The following SLC38A1 variants were observed in gnomAD, a reference collection of about 807,000 sequenced individuals.
SLC38A1 encodes the protein solute carrier family 38 member 1, also known as sodium-coupled neutral amino acid symporter 1.
Under a neutral mutation model 60.3 loss-of-function variants are expected in SLC38A1, and 18 were observed. That is an observed-to-expected ratio of 0.30 (90% CI 0.21 to 0.44). The LOEUF (loss-of-function observed/expected upper bound fraction) is 0.44. SLC38A1 is among the 20% of genes least tolerant of loss of function. The pLI, the probability that SLC38A1 is intolerant of heterozygous loss-of-function variation, is 1.00. For synonymous variants in SLC38A1, 196 were observed against 212.1 expected, an observed-to-expected ratio of 0.92 and a Z score of 0.66; for missense variants, 448 against 587.2, an observed-to-expected ratio of 0.76 and a Z score of 2.45.
chr12:46,230,560 G>C (rs1020445475), intron 3 of SLC38A1, among the ~76,000 whole-genome samples: 1 of 152,202 alleles, frequency 6.6e-6, no homozygotes, highest in African/African-American at 2.4e-5. Flanking sequence ...ACCTGGCACA[G>C]AGTAACAGCA....
intron 3 of SLC38A1, among the ~76,000 whole-genome samples, chr12:46,233,016 A>T (rs1020549779): frequency 4.0e-5 from 6 of 151,870 alleles, no homozygotes; most frequent in African/African-American, 1.5e-4. Context: ...AGCTAATTTT[A>T]TTATTATTAT....
At chr12:46,200,420 CATATATATACACAT>C (rs1246811151) in intron 13 of SLC38A1, among the ~76,000 whole-genome samples, 6 of 151,350 alleles carry the variant, frequency 4.0e-5, no homozygotes, top group African/African-American at 1.5e-4. Flanking sequence ...TATAGACACA[CATATATATACACAT>C]ATATATATTT....
intron 11 of SLC38A1, among the ~76,000 whole-genome samples, chr12:46,203,458 G>C (rs1481508703): frequency 6.6e-6 from 1 of 152,128 alleles, no homozygotes. Flanking sequence ...CTGTTCTCCT[G>C]GCTCCCTCCA....
intron 3 of SLC38A1, 96 bp downstream of exon 3, chr12:46,239,583 T>A: frequency 7.3e-7 from 1 of 1,375,068 alleles, no homozygotes; most frequent in Non-Finnish European, 1.0e-6. Flanking sequence ...CCTCAAATGA[T>A]CCACCCACCT....
chr12:46,207,723 G>A (rs1474309735), intron 6 of SLC38A1, 102 bp from the exon 7 acceptor site: 4 of 1,126,874 alleles, frequency 3.5e-6, no homozygotes, highest in Non-Finnish European at 5.3e-6. Flanking sequence ...AAGTTACTAT[G>A]TGCCTTTCTC....
chr12:46,206,190 TA>T lies in SLC38A1; in HGVS notation c.564-29del, dbSNP rs772626236. 117 of 1,460,232 alleles carry T rather than the reference TA, an allele frequency of 8.0e-5. 1 individual carries two copies. In the Middle Eastern group the frequency reaches 1.8e-3, roughly 22 times the overall value. The allele number at this position is 1,460,232 out of a possible 1,614,324, so 90.5% of individuals were successfully genotyped here. On this transcript the variant is annotated intron_variant, in intron 8 of 16. Transcript: ENST00000398637. ...GAAAGGCATTTAAGTGATTAGGTTA[TA>T]TTTTTTTAGAAAGTGACTTTTTTCC...
intron 6 of SLC38A1, among the ~76,000 whole-genome samples, chr12:46,207,830 T>C (rs1939978170): frequency 6.6e-6 from 1 of 152,204 alleles, no homozygotes; most frequent in East Asian, 1.9e-4. Context: ...GCAACCATCA[T>C]TTCTCCTTTT....
Position 46,229,221 on chromosome 12 carries a change from G to A in SLC38A1, c.246C>T (p.Asn82=), listed in dbSNP as rs559298480. 1.1e-5 allele frequency: 18 copies of A among 1,613,686 alleles called. No individual in the cohort carries two copies. The highest frequency in any genetic ancestry group is 8.0e-5 in the African/African-American group (6 of 75,042). ...SLGMSVFNLS[N]AIMGSGILGL... ...CCAAAATCCCACTGCCCATAATGGC[G>A]TTGCTTAGGTTAAAAACAGACATGC... Residue 82 remains asparagine, a synonymous_variant, in exon 5 of 17, where the codon AAC becomes AAT. Transcript: ENST00000398637.
chr12:46,253,526 C>T (rs1049767144), intron 1 of SLC38A1, among the ~76,000 whole-genome samples: 3 of 152,130 alleles, frequency 2.0e-5, no homozygotes, highest in African/African-American at 7.2e-5. Flanking sequence ...GTGAGGACGA[C>T]CAGAGGTCAC....
At chr12:46,207,920 G>A (rs1939981381) in intron 6 of SLC38A1, among the ~76,000 whole-genome samples, 1 of 152,172 alleles carries the variant, frequency 6.6e-6, no homozygotes, top group East Asian at 1.9e-4. Context: ...TTACAAAGGG[G>A]AAATTCCTTC....
chr12:46,238,005 C>A (rs1941317016), intron 3 of SLC38A1, among the ~76,000 whole-genome samples: 1 of 151,822 alleles, frequency 6.6e-6, no homozygotes, highest in African/African-American at 2.4e-5. Flanking sequence ...TAAAAATACA[C>A]AAATTTTAGA....
At chr12:46,262,436 G>A (rs1942228202) in intron 1 of SLC38A1, among the ~76,000 whole-genome samples, 1 of 151,742 alleles carries the variant, frequency 6.6e-6, no homozygotes, top group Admixed American at 6.6e-5. Context: ...GTGTATATGA[G>A]TAGTGTGAAT....
intron 5 of SLC38A1, among the ~76,000 whole-genome samples, chr12:46,211,530 C>T (rs1282026576): frequency 2.0e-5 from 3 of 152,244 alleles, no homozygotes; most frequent in African/African-American, 4.8e-5. Context: ...TCTGCAACCA[C>T]GCGGTTCTTG....
At chr12:46,218,601 C>T (rs1241063046) in intron 5 of SLC38A1, among the ~76,000 whole-genome samples, 1 of 152,046 alleles carries the variant, frequency 6.6e-6, no homozygotes, top group Admixed American at 6.5e-5. Flanking sequence ...TTTGTAGTCG[C>T]CCAATGGGTT....
chr12:46,252,993 T>C (rs1183855324), intron 1 of SLC38A1, among the ~76,000 whole-genome samples: 1 of 136,636 alleles, frequency 7.3e-6, no homozygotes, highest in Non-Finnish European at 1.6e-5. Flanking sequence ...GGTATCTTTT[T>C]TTGAAAAAAA....
intron 3 of SLC38A1, among the ~76,000 whole-genome samples, chr12:46,234,507 GCGCTATCTCGGC>G (rs1164649333): frequency 2.7e-5 from 4 of 149,912 alleles, no homozygotes; most frequent in Non-Finnish European, 5.9e-5. Flanking sequence ...GACTGCAGTG[GCGCTATCTCGGC>G]TCACTGCAAG....
At chr12:46,199,654 T>A (rs763922159) in intron 13 of SLC38A1, among the ~76,000 whole-genome samples, 4 of 152,048 alleles carry the variant, frequency 2.6e-5, no homozygotes, top group Non-Finnish European at 5.9e-5. Context: ...CCACCGTACC[T>A]GGCCTTATGT....
chr12:46,253,547 A>G (rs1941929187), intron 1 of SLC38A1, among the ~76,000 whole-genome samples: 1 of 152,160 alleles, frequency 6.6e-6, no homozygotes. Flanking sequence ...TCTCATCACC[A>G]TCTTGGTTTT....
intron 16 of SLC38A1, among the ~76,000 whole-genome samples, chr12:46,194,014 GT>G (rs769103526): frequency 6.6e-6 from 1 of 152,200 alleles, no homozygotes; most frequent in African/African-American, 2.4e-5. Flanking sequence ...AATTGATGCA[GT>G]TTTTTCATAG....
Sources: allele counts gnomAD v4.1 joint callset (sites outside exome capture counted in the v4.1 genomes callset), GRCh38; gene constraint gnomAD v4.1.1; transcripts MANE v1.5; gene names NCBI Gene and HGNC (gene_info 2026-07-23, HGNC 2026-07-21).